The following DAB2IP variants were observed in gnomAD, a reference collection of about 807,000 sequenced individuals.
DAB2IP encodes the protein disabled homolog 2-interacting protein.
In DAB2IP, 28 loss-of-function variants were observed where a neutral mutation model predicts 107.2. The ratio of observed to expected loss-of-function variants is 0.26; its 90% CI spans 0.19 to 0.36. The LOEUF is 0.36. Among genes scored for constraint, DAB2IP ranks in the 10% least tolerant of loss-of-function variants. The probability of loss-of-function intolerance (pLI) is 1.00; values close to 1 mark genes in which losing one functional copy is unlikely to be tolerated. For missense variants in DAB2IP, 1,400 were observed against 1,644.7 expected (o/e 0.85, Z 2.57); for synonymous variants, 755 against 706.4 (o/e 1.07, Z -1.09).
intron 3 of DAB2IP, among the ~76,000 whole-genome samples, chr9:121,700,995 T>A (rs1301191112): frequency 1.3e-5 from 2 of 152,246 alleles, no homozygotes; most frequent in Non-Finnish European, 2.9e-5. Flanking sequence ...CCACCCGGTT[T>A]GCTGCCTTCC....
chr9:121,661,536 C>T (rs1275314893), intron 1 of DAB2IP, among the ~76,000 whole-genome samples: 1 of 152,020 alleles, frequency 6.6e-6, no homozygotes, highest in Non-Finnish European at 1.5e-5. Flanking sequence ...GAGGGAAGGG[C>T]CGGTTTTACT....
chr9:121,730,223 C>G (rs77194279), intron 3 of DAB2IP, among the ~76,000 whole-genome samples: 1,720 of 152,322 alleles, frequency 0.011, 29 homozygotes, highest in African/African-American at 0.039. Context: ...TCCTATCTCC[C>G]TCCTCTCCCT....
chr9:121,771,059 A>G (rs1038058104), intron 11 of DAB2IP, among the ~76,000 whole-genome samples: 1 of 152,202 alleles, frequency 6.6e-6, no homozygotes, highest in Non-Finnish European at 1.5e-5. Context: ...GCATTTCCAG[A>G]TCCCCTGATA....
upstream of DAB2IP, among the ~76,000 whole-genome samples, chr9:121,650,663 A>G (rs1206121296): frequency 1.3e-5 from 2 of 152,226 alleles, no homozygotes; most frequent in Non-Finnish European, 2.9e-5. Flanking sequence ...CAGGTGTCTT[A>G]ATAATTTAAA....
intron 3 of DAB2IP, among the ~76,000 whole-genome samples, chr9:121,716,229 T>A (rs1440858856): frequency 6.6e-6 from 1 of 152,198 alleles, no homozygotes; most frequent in Non-Finnish European, 1.5e-5. Context: ...TACTTTTATC[T>A]TCCTGGGCTG....
At chr9:121,742,046 A>T (rs1051595395) in intron 3 of DAB2IP, among the ~76,000 whole-genome samples, 1 of 152,084 alleles carries the variant, frequency 6.6e-6, no homozygotes, top group Non-Finnish European at 1.5e-5. Context: ...TCACAGAAAC[A>T]GAGTGAGGGT....
chr9:121,772,649 C>T lies in DAB2IP; in HGVS notation c.2121C>T (p.Asn707=). Residue 707 remains asparagine, a synonymous_variant, in exon 12 of 16, where the codon AAC becomes AAT. Transcript: ENST00000408936. This position sits in a 1 kb window ranked among gnomAD's most constrained non-coding sequence, Gnocchi z 4.7. Reference sequence around the variant, plus strand: ...GGTTACCGTCTCCAACCCCCGAAAACAAGGACTTGTTTTTTGTCACAAGGT... The same window carrying T: ...GGTTACCGTCTCCAACCCCCGAAAATAAGGACTTGTTTTTTGTCACAAGGT... 6.2e-7 allele frequency: 1 copy of T among 1,614,096 alleles called. No homozygotes were observed. Among genetic ancestry groups the T allele is most frequent in the Non-Finnish European group, 8.5e-7 (1 of 1,179,970 alleles).
At chr9:121,758,525 G>A (rs567475534) in intron 4 of DAB2IP, among the ~76,000 whole-genome samples, 14 of 152,246 alleles carry the variant, frequency 9.2e-5, no homozygotes, top group East Asian at 1.9e-4. Flanking sequence ...AAGTACGCTC[G>A]GGTTAAGCAT....
chr9:121,607,430 G>T (rs1027246529), intron 1 of DAB2IP, among the ~76,000 whole-genome samples: 4 of 152,028 alleles, frequency 2.6e-5, no homozygotes, highest in Non-Finnish European at 1.5e-5. Flanking sequence ...AGCCTCCAAA[G>T]TAGCTGGGAC....
intron 3 of DAB2IP, among the ~76,000 whole-genome samples, chr9:121,750,691 C>A (rs888348155): frequency 2.0e-5 from 3 of 152,200 alleles, no homozygotes; most frequent in Admixed American, 2.0e-4. Flanking sequence ...AACACCCTTG[C>A]TGTGTCAAGT....
intron 1 of DAB2IP, among the ~76,000 whole-genome samples, chr9:121,640,027 T>A (rs929970402): frequency 6.6e-6 from 1 of 152,146 alleles, no homozygotes; most frequent in Admixed American, 6.5e-5. Flanking sequence ...TCCCCTTCCT[T>A]GCATCAGGGG....
Position 121,599,017 on chromosome 9 carries a change from C to T in DAB2IP, c.40+31789C>T, listed in dbSNP as rs1296711448. Among the ~76,000 whole-genome samples the T allele has an allele frequency of 6.6e-6, 1 of 152,168 alleles. No individual in the cohort carries two copies. Among genetic ancestry groups the T allele is most frequent in the Non-Finnish European group, 1.5e-5 (1 of 68,034 alleles). On this transcript the variant is annotated intron_variant, in intron 1 of 16. Coordinates refer to the DAB2IP transcript ENST00000259371. This position sits in a 1 kb window ranked among gnomAD's most constrained non-coding sequence, Gnocchi z 6.9. ...GAGTGCTGGGGTGCCTTCCCTGTGACACCCCGCACTGTCCCCTTCCCAAGC... is the reference window on the plus strand; with the variant it reads ...GAGTGCTGGGGTGCCTTCCCTGTGATACCCCGCACTGTCCCCTTCCCAAGC...
At chr9:121,589,853 T>C (rs1202101623) in intron 1 of DAB2IP, among the ~76,000 whole-genome samples, 1 of 152,080 alleles carries the variant, frequency 6.6e-6, no homozygotes, top group Non-Finnish European at 1.5e-5. Context: ...GCTCCCGATG[T>C]AGGGTAGGCT....
At chr9:121,669,482 G>A (rs774337804) in intron 1 of DAB2IP, among the ~76,000 whole-genome samples, 1 of 152,176 alleles carries the variant, frequency 6.6e-6, no homozygotes, top group Non-Finnish European at 1.5e-5. Context: ...TGTGTGTTAG[G>A]AAGAACCTAG....
At chr9:121,577,205 G>A (rs1280062250) in intron 1 of DAB2IP, among the ~76,000 whole-genome samples, 2 of 152,086 alleles carry the variant, frequency 1.3e-5, no homozygotes, top group East Asian at 1.9e-4. Flanking sequence ...CCTGGACACA[G>A]CCCCAGCCAG....
At position 121,772,730 on chromosome 9, in the gene DAB2IP, G is replaced by C; in HGVS notation, c.2202G>C (p.Glu734Asp). The C allele has an allele frequency of 1.9e-6, 3 of 1,614,044 alleles. No homozygotes were observed. Among genetic ancestry groups the C allele is most frequent in the Non-Finnish European group, 2.5e-6 (3 of 1,180,012 alleles). The change falls in exon 12 of 16, where the codon GAG becomes GAC. Residue 734 changes from glutamate to aspartate, a missense_variant. Around this residue, in one of 3 missense-constraint regions of DAB2IP, gnomAD observed 600 missense variants for 659.1 expected, o/e 0.91. Transcript: ENST00000408936. The surrounding 1 kb of genome is among the most constrained non-coding windows in gnomAD (Gnocchi z 4.7). ...GCTCGAGTTACTCGGAAGCCAACGA[G>C]CCTGATCTTCAGATGGCCAACGGTG...
chr9:121,570,653 A>T (rs144344434), intron 1 of DAB2IP, among the ~76,000 whole-genome samples: 1 of 152,004 alleles, frequency 6.6e-6, no homozygotes, highest in Non-Finnish European at 1.5e-5. Context: ...GGTGTAAGCA[A>T]TCCTCCTGCT....
At chr9:121,752,106 C>T in intron 3 of DAB2IP, 1 of 860,452 alleles carries the variant, frequency 1.2e-6, no homozygotes, top group Non-Finnish European at 1.4e-6. Flanking sequence ...GCCTCCTAAC[C>T]TTGAGAGGGA....
intron 1 of DAB2IP, among the ~76,000 whole-genome samples, chr9:121,580,223 A>G (rs957491630): frequency 6.6e-6 from 1 of 152,156 alleles, no homozygotes; most frequent in Non-Finnish European, 1.5e-5. Flanking sequence ...TGCTAGCTCC[A>G]TGCTGGGTGC....
Sources: gnomAD v4.1 joint callset for allele counts (sites outside exome capture counted in the v4.1 genomes callset) on GRCh38, gnomAD v4.1.1 for gene constraint, gnomAD v4.1.1 regional missense constraint, Gnocchi (gnomAD v3.1) non-coding constraint, MANE v1.5 for transcripts, NCBI Gene and HGNC (gene_info 2026-07-23, HGNC 2026-07-21) for gene names.